Variants in SLC7A1 observed in about 807,000 individuals in gnomAD.
SLC7A1 encodes solute carrier family 7 member 1, also known as high affinity cationic amino acid transporter 1.
In SLC7A1, 10 loss-of-function variants were observed where a neutral mutation model predicts 53.9. The ratio of observed to expected loss-of-function variants is 0.19; its 90% CI spans 0.11 to 0.31. SLC7A1 has a LOEUF of 0.31. SLC7A1 is among the 10% of genes least tolerant of loss of function. The pLI is 1.00. For synonymous variants in SLC7A1, 342 were observed against 338.7 expected (o/e 1.01, Z -0.11); for missense variants, 525 against 827.2 (o/e 0.63, Z 4.48).
chr13:29,588,754 C>T (rs1871990315), intron 1 of SLC7A1, among the ~76,000 whole-genome samples: 1 of 152,180 alleles, frequency 6.6e-6, no homozygotes, highest in Admixed American at 6.5e-5. Flanking sequence ...ATCTGTTTGC[C>T]TCAGCCTCCC....
chr13:29,591,041 T>C (rs1593588327), intron 1 of SLC7A1, among the ~76,000 whole-genome samples: 1 of 151,648 alleles, frequency 6.6e-6, no homozygotes, highest in Admixed American at 6.6e-5. Flanking sequence ...TCCCAGGAGG[T>C]GGAGGCTAAT....
At chr13:29,526,477 G>A (rs1317096370) in intron 5 of SLC7A1, among the ~76,000 whole-genome samples, 3 of 151,912 alleles carry the variant, frequency 2.0e-5, no homozygotes, top group Non-Finnish European at 1.5e-5. Flanking sequence ...GTGCAACACA[G>A]CAAAATCCTG....
At chr13:29,582,272 C>T (rs1297174907) in intron 1 of SLC7A1, among the ~76,000 whole-genome samples, 2 of 152,208 alleles carry the variant, frequency 1.3e-5, no homozygotes, top group African/African-American at 4.8e-5. Context: ...AAGCCCTCAG[C>T]TATCACTCCT....
chr13:29,551,678 G>A (rs1464844446), intron 2 of SLC7A1, among the ~76,000 whole-genome samples: 4 of 152,308 alleles, frequency 2.6e-5, no homozygotes, highest in African/African-American at 7.2e-5. Context: ...CTGGGGCGGC[G>A]CGGGGAAGAA....
chr13:29,524,012 T>C (rs927195960), intron 6 of SLC7A1, 120 bp downstream of exon 6: 5 of 929,314 alleles, frequency 5.4e-6, no homozygotes, highest in African/African-American at 3.2e-5. Context: ...CAAATCTACA[T>C]GTTGCTCATG....
chr13:29,571,534 G>A (rs955409767), intron 1 of SLC7A1, among the ~76,000 whole-genome samples: 3 of 38,808 alleles, frequency 7.7e-5, no homozygotes, highest in African/African-American at 1.1e-4. Flanking sequence ...GACATCTGCC[G>A]GGGGGTCCTC....
At chr13:29,585,203 C>T (rs947406564) in intron 1 of SLC7A1, among the ~76,000 whole-genome samples, 1 of 152,160 alleles carries the variant, frequency 6.6e-6, no homozygotes, top group African/African-American at 2.4e-5. Flanking sequence ...TAAATCACCA[C>T]AAAAAGAAAC....
intron 12 of SLC7A1, 59 bp downstream of exon 12, chr13:29,516,079 C>G: frequency 9.6e-7 from 1 of 1,036,478 alleles, no homozygotes; most frequent in South Asian, 1.4e-5. Context: ...AAATCTGAAA[C>G]AAGGGAGACC....
At chr13:29,589,297 C>A (rs2139193919) in intron 1 of SLC7A1, among the ~76,000 whole-genome samples, 1 of 152,342 alleles carries the variant, frequency 6.6e-6, no homozygotes, top group South Asian at 2.1e-4. Flanking sequence ...TCCACAAGAC[C>A]CCCTGCAAAG....
At chr13:29,573,542 C>T (rs769868520) in intron 1 of SLC7A1, among the ~76,000 whole-genome samples, 20 of 152,164 alleles carry the variant, frequency 1.3e-4, no homozygotes, top group African/African-American at 4.3e-4. Flanking sequence ...CCCACATCGT[C>T]CCCTTTCAAA....
At position 29,522,359 on chromosome 13, in the gene SLC7A1, T is replaced by C. The variant is rs1248510478; in HGVS notation, c.1147A>G (p.Lys383Glu). The change falls in exon 8 of 13, where the codon AAA becomes GAA. Residue 383 changes from lysine (K) to glutamate (E), a missense_variant. Lys to Glu is a moderately conservative substitution (Grantham distance 56). Transcript: ENST00000380752. ...GCTAATGTGGCGATTATTGGTGTTT[T>C]GGTCCTATCATTGACGTTGGCTAAG... ...KFLANVNDRT[K>E]TPIIATLASG... 1.2e-6 allele frequency: 2 copies of C among 1,614,238 alleles called. No individual in the cohort carries two copies. The highest frequency in any genetic ancestry group is 1.7e-6 in the Non-Finnish European group (2 of 1,180,038).
intron 1 of SLC7A1, among the ~76,000 whole-genome samples, chr13:29,581,369 G>A (rs1871638548): frequency 6.6e-6 from 1 of 151,804 alleles, no homozygotes; most frequent in Admixed American, 6.6e-5. Flanking sequence ...TACTTTCAAT[G>A]TCCCTGTGCA....
chr13:29,519,840 TTATAGA>T (rs1322589123), intron 8 of SLC7A1, among the ~76,000 whole-genome samples: 1 of 152,158 alleles, frequency 6.6e-6, no homozygotes, highest in Non-Finnish European at 1.5e-5. Context: ...CATCCCTACA[TTATAGA>T]TATAAACATT....
intron 1 of SLC7A1, among the ~76,000 whole-genome samples, chr13:29,572,326 C>T (rs1237475328): frequency 6.6e-6 from 1 of 152,246 alleles, no homozygotes; most frequent in Non-Finnish European, 1.5e-5. Context: ...GGATTTTCTA[C>T]TCCACGCACA....
At chr13:29,570,119 A>G (rs546510626) in intron 1 of SLC7A1, among the ~76,000 whole-genome samples, 3 of 152,190 alleles carry the variant, frequency 2.0e-5, no homozygotes. Context: ...CTGCCTGTGA[A>G]TCCTGGGGAA....
intron 1 of SLC7A1, among the ~76,000 whole-genome samples, chr13:29,591,447 C>T (rs968725764): frequency 3.3e-5 from 5 of 152,174 alleles, no homozygotes; most frequent in Non-Finnish European, 5.9e-5. Flanking sequence ...AGCCCCATAA[C>T]CTCATGTTGC....
chr13:29,519,381 G>T, intron 9 of SLC7A1, 66 bp downstream of exon 9: 1 of 932,572 alleles, frequency 1.1e-6, no homozygotes, highest in South Asian at 1.4e-5. Context: ...AACCATAGCT[G>T]AACTGTGAAA....
chr13:29,587,928 A>G (rs1205205832), intron 1 of SLC7A1, among the ~76,000 whole-genome samples: 1 of 152,174 alleles, frequency 6.6e-6, no homozygotes, highest in Non-Finnish European at 1.5e-5. Flanking sequence ...GAGCTGAAGG[A>G]GCTGAGAAAG....
At chr13:29,518,520 T>C (rs1033191229) in intron 9 of SLC7A1, among the ~76,000 whole-genome samples, 3 of 152,178 alleles carry the variant, frequency 2.0e-5, no homozygotes, top group African/African-American at 7.2e-5. Flanking sequence ...TATTAACCAT[T>C]TTTGTATGGA....
Sources: allele counts gnomAD v4.1 joint callset (sites outside exome capture counted in the v4.1 genomes callset), GRCh38; gene constraint gnomAD v4.1.1; transcripts MANE v1.5; gene names NCBI Gene and HGNC (gene_info 2026-07-23, HGNC 2026-07-21).